Variants in FBXL5 observed in about 807,000 individuals in gnomAD.
FBXL5 encodes F-box and leucine rich repeat protein 5.
In FBXL5, 26 loss-of-function variants were observed where a neutral mutation model predicts 78.3. The observed-to-expected ratio is 0.33, with a 90% CI of 0.24 to 0.46. The LOEUF is 0.46. Ranked by LOEUF, FBXL5 falls within the 20% of genes least tolerant of loss-of-function variation. The pLI is 1.00. For synonymous variants in FBXL5, 295 were observed against 282.5 expected, an observed-to-expected ratio of 1.04 and a Z score of -0.45; for missense variants, 710 against 829.2, an observed-to-expected ratio of 0.86 and a Z score of 1.77.
intron 9 of FBXL5, among the ~76,000 whole-genome samples, chr4:15,623,622 A>G (rs1712703658): frequency 6.6e-6 from 1 of 152,216 alleles, no homozygotes; most frequent in Admixed American, 6.5e-5. Context: ...AGGAATACAG[A>G]CATGTAATAA....
At chr4:15,660,649 G>T (rs551719714), upstream of FBXL5, among the ~76,000 whole-genome samples, 83 of 152,158 alleles carry the variant, frequency 5.5e-4, no homozygotes, top group African/African-American at 2.0e-3. Flanking sequence ...GTAAAGACTT[G>T]GTCTGGGACA....
At chr4:15,606,975 A>G (rs1721931640) in intron 10 of FBXL5, among the ~76,000 whole-genome samples, 1 of 152,242 alleles carries the variant, frequency 6.6e-6, no homozygotes, top group Admixed American at 6.5e-5. Context: ...GAACACATTA[A>G]TTTCCAGAAA....
chr4:15,677,675 C>G (rs1194512064), intron 1 of FBXL5, among the ~76,000 whole-genome samples: 1 of 152,196 alleles, frequency 6.6e-6, no homozygotes, highest in Non-Finnish European at 1.5e-5. Context: ...GTTTTGCACC[C>G]TCTGTCCTCC....
At chr4:15,611,869 A>T (rs1216424770) in intron 10 of FBXL5, 1 of 153,554 alleles carries the variant, frequency 6.5e-6, no homozygotes, top group Non-Finnish European at 1.4e-5. Flanking sequence ...CTGTCTTACA[A>T]GAAATAAGAC....
At chr4:15,640,915 A>G (rs763209759) in intron 2 of FBXL5, 32 bp from the exon 3 acceptor site, 39 of 1,214,796 alleles carry the variant, frequency 3.2e-5, no homozygotes, top group Admixed American at 5.4e-5. Context: ...CATTTTTATA[A>G]AAGTTTCGCT....
chr4:15,659,811 T>C (rs941529573), upstream of FBXL5: 8 of 832,428 alleles, frequency 9.6e-6, no homozygotes, highest in Middle Eastern at 6.0e-4. Flanking sequence ...ATGGGCTGAC[T>C]TGTAGGGAGA....
At chr4:15,656,310 C>T (rs978630386), upstream of FBXL5, 12 of 456,098 alleles carry the variant, frequency 2.6e-5, no homozygotes, top group Middle Eastern at 3.2e-4. Context: ...CTGCTCACGC[C>T]GGTCAGTCTT....
At position 15,628,793 on chromosome 4, in the gene FBXL5, A is replaced by G. The variant is rs964852826; in HGVS notation, c.893-760T>C. ...CACAGACACACACACACACACGCACACACACACACACGAAGATAAAATATA... is the reference window on the plus strand; with the variant it reads ...CACAGACACACACACACACACGCACGCACACACACACGAAGATAAAATATA... On this transcript the variant is annotated intron_variant, in intron 6 of 10. Coordinates refer to ENST00000341285, the MANE Select transcript of FBXL5 (RefSeq NM_012161.4). Among the ~76,000 whole-genome samples the G allele has an allele frequency of 2.6e-3, 383 of 149,050 alleles. 1 individual carries two copies. The highest frequency in any genetic ancestry group is 4.7e-3 in the Non-Finnish European group (315 of 66,696).
intron 1 of FBXL5, 147 bp downstream of exon 1, chr4:15,655,057 G>T: frequency 4.4e-6 from 2 of 458,708 alleles, no homozygotes; most frequent in East Asian, 8.0e-5. Flanking sequence ...TGCGGGAGCG[G>T]GCGGCGCTGA....
chr4:15,652,574 A>G (rs904945612), intron 1 of FBXL5, among the ~76,000 whole-genome samples: 2 of 152,210 alleles, frequency 1.3e-5, no homozygotes, highest in African/African-American at 4.8e-5. Flanking sequence ...TAAGACATAC[A>G]TCTGTCAGCT....
At chr4:15,670,891 A>G (rs1461254095) in intron 1 of FBXL5, among the ~76,000 whole-genome samples, 2 of 147,308 alleles carry the variant, frequency 1.4e-5, no homozygotes, top group Non-Finnish European at 3.0e-5. Flanking sequence ...TTGTATTTCA[A>G]AGACATTTTC....
In FBXL5 at chr4:15,625,537, C is replaced by A. The variant is rs1280877571; in HGVS notation, c.1565G>T (p.Ser522Ile). 1 of 1,614,168 alleles carries A rather than the reference C, an allele frequency of 6.2e-7. No homozygotes were observed. The highest frequency in any genetic ancestry group is 1.7e-5 in the Admixed American group (1 of 60,020). ...AGTCCTTAGTCCAACAATGTCCTTA[C>A]TAAAACAACCAGAGGTGGAACAACT... is the stretch of plus-strand genomic sequence containing the variant. ...NFSCSTSGCFSKDIVGLRTSV... is the reference protein window; with the variant it reads ...NFSCSTSGCFIKDIVGLRTSV... Residue 522 changes from serine (S) to isoleucine (I), a missense_variant, in exon 9 of 11, where the codon AGT becomes ATT. Ser to Ile is a moderately radical substitution (Grantham distance 142). This residue lies in a region of FBXL5 where 517 missense variants were observed against 542.9 expected (regional missense o/e 0.95). Coordinates refer to ENST00000341285, the MANE Select transcript of FBXL5 (RefSeq NM_012161.4).
In FBXL5 at chr4:15,638,604, C is replaced by T; in HGVS notation, c.487G>A (p.Asp163Asn). The T allele has an allele frequency of 6.2e-7, 1 of 1,613,410 alleles. No homozygotes were observed. Among genetic ancestry groups the T allele is most frequent in the Non-Finnish European group, 8.5e-7 (1 of 1,179,510 alleles). Reference sequence around the variant, plus strand: ...AGACCTCTAAGGAGTTCTGCAGTATCCTTCTGAGAGCAGTGTTGTGCAATC... The same window carrying T: ...AGACCTCTAAGGAGTTCTGCAGTATTCTTCTGAGAGCAGTGTTGTGCAATC... The part of the protein sequence containing the change: ...KVIAQHCSQK[D>N]TAELLRGLSL... The change falls in exon 4 of 11, where the codon GAT becomes AAT. Residue 163 changes from aspartate (D) to asparagine (N), a missense_variant. Around this residue, in one of 4 missense-constraint regions of FBXL5, gnomAD observed 517 missense variants for 542.9 expected, o/e 0.95. Transcript: ENST00000341285.
chr4:15,605,131 G>C lies in FBXL5; in HGVS notation c.*592C>G, dbSNP rs1362937917. Reference sequence around the variant, plus strand: ...TGGTGAGAACAAAGTATCCCTAAAGGAAACAAATATCGATTGGTGCTTTCC... The same window carrying C: ...TGGTGAGAACAAAGTATCCCTAAAGCAAACAAATATCGATTGGTGCTTTCC... On this transcript the variant is annotated 3_prime_UTR_variant, in exon 11 of 11. Coordinates refer to ENST00000341285, the MANE Select transcript of FBXL5 (RefSeq NM_012161.4). 1 of 152,574 alleles carries C rather than the reference G, an allele frequency of 6.6e-6. No homozygotes were observed. Among genetic ancestry groups the C allele is most frequent in the East Asian group, 1.9e-4 (1 of 5,198 alleles). The allele number at this position is 152,574 out of a possible 1,614,324, so 9.5% of individuals were successfully genotyped here. A position where few individuals can be genotyped will look rare whatever the true frequency, so the allele number is the denominator to read the frequency against.
rs1721825175 is a variant in FBXL5 at position 15,605,482 on chromosome 4, T to C, written c.*241A>G. The C allele has an allele frequency of 4.8e-6, 2 of 417,510 alleles. No individual in the cohort carries two copies. The highest frequency in any genetic ancestry group is 8.7e-6 in the Non-Finnish European group (2 of 228,600). The allele number at this position is 417,510 out of a possible 1,614,324, so 25.9% of individuals were successfully genotyped here. A position where few individuals can be genotyped will look rare whatever the true frequency, so the allele number is the denominator to read the frequency against. On this transcript the variant is annotated 3_prime_UTR_variant, in exon 11 of 11. Transcript: ENST00000341285. Reference sequence around the variant, plus strand: ...TAAAGCATTTCATTTAAAAGAAAAATGTAAGACTGTTCTCACCCTTTTGAA... The same window carrying C: ...TAAAGCATTTCATTTAAAAGAAAAACGTAAGACTGTTCTCACCCTTTTGAA...
intron 2 of FBXL5, 66 bp from the exon 3 acceptor site, chr4:15,640,949 G>T (rs1368410829): frequency 2.1e-5 from 18 of 860,362 alleles, no homozygotes; most frequent in Non-Finnish European, 2.8e-5. Flanking sequence ...CTGGTCCCAG[G>T]AAGTTTAAAA....
chr4:15,676,794 A>C (rs1048504109), intron 1 of FBXL5, among the ~76,000 whole-genome samples: 3 of 152,178 alleles, frequency 2.0e-5, no homozygotes, highest in African/African-American at 2.4e-5. Flanking sequence ...CACTTTCAGA[A>C]TAAATAATTT....
At chr4:15,642,780 ACCT>A (rs1242464942) in intron 2 of FBXL5, among the ~76,000 whole-genome samples, 1 of 151,668 alleles carries the variant, frequency 6.6e-6, no homozygotes, top group African/African-American at 2.4e-5. Context: ...CATCTTTACC[ACCT>A]CCTATTCATA....
chr4:15,673,515 C>T (rs1577519496), intron 1 of FBXL5, among the ~76,000 whole-genome samples: 1 of 152,140 alleles, frequency 6.6e-6, no homozygotes, highest in African/African-American at 2.4e-5. Context: ...ACACATAAGA[C>T]ATCATCATTG....
Sources: gnomAD v4.1 joint callset for allele counts (sites outside exome capture counted in the v4.1 genomes callset) on GRCh38, gnomAD v4.1.1 for gene constraint, gnomAD v4.1.1 regional missense constraint, MANE v1.5 for transcripts, NCBI Gene and HGNC (gene_info 2026-07-23, HGNC 2026-07-21) for gene names.